Variants in LCLAT1 observed in about 807,000 individuals in gnomAD.
The protein encoded by LCLAT1 is 1-AGP acyltransferase 8.
Under a neutral mutation model 30.7 loss-of-function variants are expected in LCLAT1, and 11 were observed. That is an observed-to-expected ratio of 0.36 (90% CI 0.23 to 0.59). LCLAT1 has a LOEUF of 0.59. LCLAT1 is among the 20% of genes least tolerant of loss of function. The pLI is 0.77. For missense variants in LCLAT1, 402 were observed against 458.6 expected (o/e 0.88, Z 1.13); for synonymous variants, 155 against 151.3 (o/e 1.02, Z -0.18).
At chr2:30,588,574 G>C (rs1305201216) in intron 5 of LCLAT1, among the ~76,000 whole-genome samples, 2 of 151,982 alleles carry the variant, frequency 1.3e-5, no homozygotes, top group Non-Finnish European at 2.9e-5. Context: ...TGTTATTTTT[G>C]TTGTTGTTGT....
chr2:30,572,927 G>T, intron 5 of LCLAT1, among the ~76,000 whole-genome samples: 1 of 151,548 alleles, frequency 6.6e-6, no homozygotes, highest in African/African-American at 2.4e-5. Flanking sequence ...TCATTCTCTG[G>T]CAGAGCCTGG....
intron 1 of LCLAT1, among the ~76,000 whole-genome samples, chr2:30,460,334 A>G (rs1016130263): frequency 1.3e-5 from 2 of 152,128 alleles, no homozygotes; most frequent in Non-Finnish European, 2.9e-5. Flanking sequence ...TCCCATATTC[A>G]GTTACCTGCC....
chr2:30,555,533 G>A (rs1229152698), intron 3 of LCLAT1, among the ~76,000 whole-genome samples: 1 of 151,936 alleles, frequency 6.6e-6, no homozygotes, highest in Non-Finnish European at 1.5e-5. Flanking sequence ...TGCAACTGTT[G>A]GGTGATTTCT....
At position 30,640,425 on chromosome 2, in the gene LCLAT1, C is replaced by G; in HGVS notation, c.937C>G (p.Leu313Val). Residue 313 changes from leucine (L) to valine (V), a missense_variant, in exon 6 of 6, where the codon CTG becomes GTG. Transcript: ENST00000379509. ...CCTTGTGGTCAAATTGCTCTCTATA[C>G]TGTATTGGACCCTGTTCAGCCCTGC... ...RVLVVKLLSILYWTLFSPAMC... is the reference protein window; with the variant it reads ...RVLVVKLLSIVYWTLFSPAMC... The G allele has an allele frequency of 1.2e-6, 2 of 1,614,168 alleles. No homozygotes were observed. The highest frequency in any genetic ancestry group is 1.7e-6 in the Non-Finnish European group (2 of 1,180,022).
chr2:30,469,146 T>G (rs898172951), intron 1 of LCLAT1, among the ~76,000 whole-genome samples: 1 of 152,254 alleles, frequency 6.6e-6, no homozygotes, highest in Non-Finnish European at 1.5e-5. Context: ...GTATTCTGGA[T>G]ACTAGACCCT....
intron 5 of LCLAT1, among the ~76,000 whole-genome samples, chr2:30,638,888 T>C (rs1669164374): frequency 9.9e-6 from 1 of 101,382 alleles, no homozygotes; most frequent in Non-Finnish European, 2.5e-5. Flanking sequence ...TTTTTGGACA[T>C]GTCTTTTTTG....
chr2:30,614,401 G>A (rs1290308828), intron 5 of LCLAT1, among the ~76,000 whole-genome samples: 1 of 151,836 alleles, frequency 6.6e-6, no homozygotes, highest in Non-Finnish European at 1.5e-5. Flanking sequence ...TTTCTACACA[G>A]ACACAGTAAC....
At chr2:30,500,855 A>G (rs1684340849) in intron 1 of LCLAT1, among the ~76,000 whole-genome samples, 1 of 152,300 alleles carries the variant, frequency 6.6e-6, no homozygotes, top group East Asian at 1.9e-4. Context: ...TTAAAACCTG[A>G]GACAGTTACT....
intron 1 of LCLAT1, among the ~76,000 whole-genome samples, chr2:30,494,767 C>T (rs779847928): frequency 8.6e-5 from 13 of 151,354 alleles, no homozygotes; most frequent in Middle Eastern, 3.4e-3. Flanking sequence ...GTCCCCTGCT[C>T]ATGGAAAAAT....
intron 3 of LCLAT1, among the ~76,000 whole-genome samples, chr2:30,556,634 T>A (rs1664930537): frequency 6.6e-6 from 1 of 152,222 alleles, no homozygotes; most frequent in South Asian, 2.1e-4. Context: ...AGGGTATATC[T>A]CTGCTGTAGA....
chr2:30,599,298 C>CTGAG (rs1353658540), intron 5 of LCLAT1, among the ~76,000 whole-genome samples: 7 of 152,256 alleles, frequency 4.6e-5, no homozygotes, highest in Middle Eastern at 6.8e-3. Context: ...TTTCATTAAT[C>CTGAG]TGAGTTCTAA....
intron 1 of LCLAT1, among the ~76,000 whole-genome samples, chr2:30,454,872 C>G (rs1231664493): frequency 6.6e-6 from 1 of 152,192 alleles, no homozygotes; most frequent in Non-Finnish European, 1.5e-5. Context: ...TGGAAATAAT[C>G]TAGAGGACTC....
intron 1 of LCLAT1, among the ~76,000 whole-genome samples, chr2:30,518,655 C>G (rs1303345192): frequency 2.0e-5 from 3 of 152,140 alleles, no homozygotes; most frequent in Admixed American, 2.0e-4. Context: ...GGCCGTTGTC[C>G]CTCTATACCC....
intron 5 of LCLAT1, among the ~76,000 whole-genome samples, chr2:30,602,739 G>A (rs1441542869): frequency 6.6e-6 from 1 of 152,110 alleles, no homozygotes. Context: ...TTCTAATGGT[G>A]TAAAGTTTAA....
At chr2:30,521,838 G>A (rs1047083118) in intron 1 of LCLAT1, among the ~76,000 whole-genome samples, 2 of 151,990 alleles carry the variant, frequency 1.3e-5, no homozygotes, top group African/African-American at 4.8e-5. Context: ...TTTCTTTGTA[G>A]TCAAACCATC....
chr2:30,477,394 G>A (rs550859965), intron 1 of LCLAT1, among the ~76,000 whole-genome samples: 2 of 152,168 alleles, frequency 1.3e-5, no homozygotes, highest in South Asian at 4.1e-4. Flanking sequence ...TCTAATTACT[G>A]GAAAGATAAT....
intron 1 of LCLAT1, among the ~76,000 whole-genome samples, chr2:30,507,653 T>TTA (rs397826375): frequency 6.6e-6 from 1 of 152,126 alleles, no homozygotes; most frequent in Admixed American, 6.5e-5. Flanking sequence ...TATTCTTTTT[T>TTA]ATGGCTGCAT....
intron 1 of LCLAT1, among the ~76,000 whole-genome samples, chr2:30,489,416 G>A (rs1174024830): frequency 6.6e-6 from 1 of 151,614 alleles, no homozygotes; most frequent in Non-Finnish European, 1.5e-5. Flanking sequence ...GCAGTGGCGC[G>A]ATCTCGGCTC....
intron 5 of LCLAT1, among the ~76,000 whole-genome samples, chr2:30,611,894 A>G (rs1013112076): frequency 2.0e-5 from 3 of 152,176 alleles, no homozygotes; most frequent in African/African-American, 7.2e-5. Context: ...TATCATGCCC[A>G]TAAGGCAGCA....
Sources: allele counts gnomAD v4.1 joint callset (sites outside exome capture counted in the v4.1 genomes callset), GRCh38; gene constraint gnomAD v4.1.1; transcripts MANE v1.5; gene names NCBI Gene and HGNC (gene_info 2026-07-23, HGNC 2026-07-21).